The following NDUFS4 variants were observed in gnomAD, a reference collection of about 807,000 sequenced individuals.
NDUFS4 encodes NADH dehydrogenase [ubiquinone] iron-sulfur protein 4, mitochondrial.
A neutral mutation model predicts 24.3 loss-of-function variants in NDUFS4; 28 were observed. That is an observed-to-expected ratio of 1.15 (90% CI 0.85 to 1.58). NDUFS4 has a LOEUF of 1.58. Ranked by LOEUF, NDUFS4 falls within the 40% of genes most tolerant of loss-of-function variation. The probability of loss-of-function intolerance (pLI) is 0.00; values close to 1 mark genes in which losing one functional copy is unlikely to be tolerated. For missense variants in NDUFS4, 223 were observed against 207.9 expected, an observed-to-expected ratio of 1.07 and a Z score of -0.45; for synonymous variants, 93 against 69.7, an observed-to-expected ratio of 1.34 and a Z score of -1.67.
intron 4 of NDUFS4, among the ~76,000 whole-genome samples, chr5:53,671,591 A>G (rs1258406604): frequency 6.6e-6 from 1 of 152,188 alleles, no homozygotes; most frequent in Non-Finnish European, 1.5e-5. Context: ...TTCCTCTGAA[A>G]TGTAGATGAA....
intron 2 of NDUFS4, among the ~76,000 whole-genome samples, chr5:53,610,183 T>G (rs1750652385): frequency 6.6e-6 from 1 of 152,196 alleles, no homozygotes; most frequent in Non-Finnish European, 1.5e-5. Context: ...ACTCTTCCTT[T>G]CACTTGAACT....
intron 1 of NDUFS4, among the ~76,000 whole-genome samples, chr5:53,591,688 TC>T (rs1461090453): frequency 2.6e-5 from 4 of 152,180 alleles, no homozygotes; most frequent in Non-Finnish European, 5.9e-5. Flanking sequence ...CATTTCGCAT[TC>T]CCACCAGCGA....
chr5:53,580,726 T>C (rs1000531923), intron 1 of NDUFS4, among the ~76,000 whole-genome samples: 5 of 140,510 alleles, frequency 3.6e-5, no homozygotes, highest in South Asian at 2.4e-4. Context: ...TTCCTTTTCC[T>C]TTTCCCTTTC....
chr5:53,638,518 A>C (rs1294325575), intron 2 of NDUFS4, among the ~76,000 whole-genome samples: 1 of 152,088 alleles, frequency 6.6e-6, no homozygotes, highest in Non-Finnish European at 1.5e-5. Flanking sequence ...GGACACAAAG[A>C]GGGGAACAAC....
intron 2 of NDUFS4, among the ~76,000 whole-genome samples, chr5:53,615,727 A>C (rs548402587): frequency 6.6e-6 from 1 of 152,054 alleles, no homozygotes; most frequent in Non-Finnish European, 1.5e-5. Context: ...AGCATATTTC[A>C]TGTTAGTTGA....
intron 1 of NDUFS4, among the ~76,000 whole-genome samples, chr5:53,602,030 T>C (rs1490725113): frequency 6.6e-6 from 1 of 152,202 alleles, no homozygotes. Context: ...AGGCATCCAC[T>C]GGGCGTCTTA....
At chr5:53,669,019 G>A (rs936355188) in intron 4 of NDUFS4, among the ~76,000 whole-genome samples, 1 of 152,268 alleles carries the variant, frequency 6.6e-6, no homozygotes, top group Non-Finnish European at 1.5e-5. Context: ...GAACAGTCAT[G>A]TTTATTCATT....
At chr5:53,562,727 C>A (rs1176299851) in intron 1 of NDUFS4, among the ~76,000 whole-genome samples, 3 of 152,090 alleles carry the variant, frequency 2.0e-5, no homozygotes, top group Admixed American at 2.0e-4. Context: ...TGTTCTTCAT[C>A]CTTAAGCATT....
At chr5:53,627,099 A>G (rs1284027639) in intron 2 of NDUFS4, among the ~76,000 whole-genome samples, 2 of 152,144 alleles carry the variant, frequency 1.3e-5, no homozygotes, top group African/African-American at 4.8e-5. Context: ...CTTTCTACAT[A>G]TGGCTAGCCA....
Position 53,683,243 on chromosome 5 carries a change from G to A in NDUFS4, c.*22G>A, listed in dbSNP as rs775667822. 2 of 1,486,904 alleles carry A rather than the reference G, an allele frequency of 1.3e-6. No individual in the cohort carries two copies. The highest frequency in any genetic ancestry group is 2.3e-5 in the East Asian group (1 of 44,164). The allele number at this position is 1,486,904 out of a possible 1,614,324, so 92.1% of individuals were successfully genotyped here. A position where few individuals can be genotyped will look rare whatever the true frequency, so the allele number is the denominator to read the frequency against. On this transcript the variant is annotated 3_prime_UTR_variant, in exon 5 of 5. Transcript: ENST00000296684. ...ATAGGTTGGCACTGACTATATCTCT[G>A]CTTGACTGTGAATAAAGTCAGCTGT...
intron 4 of NDUFS4, 149 bp downstream of exon 4, chr5:53,658,773 A>C: frequency 5.7e-6 from 2 of 348,842 alleles, no homozygotes; most frequent in Non-Finnish European, 1.0e-5. Context: ...CTACATCAGA[A>C]CACCCACCTC....
At chr5:53,576,058 A>G (rs1407659455) in intron 1 of NDUFS4, among the ~76,000 whole-genome samples, 1 of 152,242 alleles carries the variant, frequency 6.6e-6, no homozygotes, top group African/African-American at 2.4e-5. Flanking sequence ...CAAACAATAA[A>G]TCTTCTTTGA....
At chr5:53,657,963 G>T (rs796588026) in intron 3 of NDUFS4, among the ~76,000 whole-genome samples, 16 of 151,214 alleles carry the variant, frequency 1.1e-4, no homozygotes, top group African/African-American at 3.9e-4. Flanking sequence ...GACATTTCTT[G>T]AAGTTGGATT....
intron 2 of NDUFS4, among the ~76,000 whole-genome samples, chr5:53,641,121 C>T (rs1207047220): frequency 1.3e-5 from 2 of 152,120 alleles, no homozygotes; most frequent in African/African-American, 4.8e-5. Flanking sequence ...GAGAAACATT[C>T]TTTTTGTTGC....
intron 1 of NDUFS4, among the ~76,000 whole-genome samples, chr5:53,567,672 G>A (rs1399313665): frequency 6.5e-4 from 99 of 151,904 alleles, no homozygotes; most frequent in Non-Finnish European, 1.6e-4. Context: ...TCTCGTGTCT[G>A]CTTTTTAATA....
chr5:53,589,347 T>C (rs1032627162), intron 1 of NDUFS4, among the ~76,000 whole-genome samples: 3 of 152,236 alleles, frequency 2.0e-5, no homozygotes, highest in Non-Finnish European at 4.4e-5. Flanking sequence ...CAGAGATTTA[T>C]TTCTTGTTCA....
chr5:53,604,819 C>G (rs779333961), intron 2 of NDUFS4: 1 of 456,252 alleles, frequency 2.2e-6, no homozygotes, highest in Non-Finnish European at 4.4e-6. Context: ...ATTTGGAGTT[C>G]CTGTTCACTC....
intron 3 of NDUFS4, among the ~76,000 whole-genome samples, chr5:53,648,210 G>A (rs1751919195): frequency 1.3e-5 from 2 of 152,130 alleles, no homozygotes; most frequent in Non-Finnish European, 2.9e-5. Context: ...GTATATGTGA[G>A]ATGAGCCGCC....
intron 2 of NDUFS4, among the ~76,000 whole-genome samples, chr5:53,607,675 A>G (rs997978460): frequency 4.6e-5 from 7 of 152,212 alleles, no homozygotes; most frequent in Non-Finnish European, 7.3e-5. Flanking sequence ...AAATAGAGCA[A>G]TGGATTTTAA....
Sources: allele counts gnomAD v4.1 joint callset (sites outside exome capture counted in the v4.1 genomes callset), GRCh38; gene constraint gnomAD v4.1.1; transcripts MANE v1.5; gene names NCBI Gene and HGNC (gene_info 2026-07-23, HGNC 2026-07-21).